The following HIBADH variants were observed in gnomAD, a reference collection of about 807,000 sequenced individuals.
HIBADH encodes 3-hydroxyisobutyrate dehydrogenase, mitochondrial.
In HIBADH, 25 loss-of-function variants were observed where a neutral mutation model predicts 36.1. The observed-to-expected ratio is 0.69, with a 90% CI of 0.50 to 0.97. The LOEUF (loss-of-function observed/expected upper bound fraction) is 0.97, where lower values mean the gene tolerates loss of function less well. Among genes scored for constraint, HIBADH ranks in the 50% least tolerant of loss-of-function variants. HIBADH has a pLI of 0.00. For synonymous variants in HIBADH, 160 were observed against 149.5 expected (o/e 1.07, Z -0.51); for missense variants, 421 against 418.0 (o/e 1.01, Z -0.06).
At chr7:27,660,808 T>A (rs1562664830) in intron 1 of HIBADH, among the ~76,000 whole-genome samples, 1 of 152,170 alleles carries the variant, frequency 6.6e-6, no homozygotes, top group Non-Finnish European at 1.5e-5. Context: ...CAAGACCATA[T>A]GCCAAAGTAG....
chr7:27,549,838 G>A (rs532675724), intron 4 of HIBADH, among the ~76,000 whole-genome samples: 2 of 152,212 alleles, frequency 1.3e-5, no homozygotes, highest in East Asian at 3.9e-4. Flanking sequence ...CAGGCTCAAG[G>A]CTTAAGTTAT....
chr7:27,624,559 C>T (rs1239381524), intron 4 of HIBADH, among the ~76,000 whole-genome samples: 1 of 152,220 alleles, frequency 6.6e-6, no homozygotes, highest in Non-Finnish European at 1.5e-5. Context: ...TGTAGGTAAG[C>T]ACTTTAGATT....
intron 2 of HIBADH, among the ~76,000 whole-genome samples, chr7:27,644,570 A>C (rs1786026154): frequency 6.9e-6 from 1 of 145,468 alleles, no homozygotes; most frequent in Non-Finnish European, 1.5e-5. Flanking sequence ...ACTGCACTCC[A>C]GCCTGAGCGA....
intron 2 of HIBADH, among the ~76,000 whole-genome samples, chr7:27,644,876 A>G (rs1174984340): frequency 2.0e-5 from 3 of 152,132 alleles, no homozygotes; most frequent in African/African-American, 7.2e-5. Flanking sequence ...GTCTCTATAT[A>G]GACTTCCTTA....
intron 4 of HIBADH, among the ~76,000 whole-genome samples, chr7:27,604,807 TAAGG>T (rs1264394136): frequency 6.6e-6 from 1 of 152,024 alleles, no homozygotes; most frequent in African/African-American, 2.4e-5. Flanking sequence ...ATTCAAAATA[TAAGG>T]GAGGGGAGGG....
At chr7:27,616,275 G>A (rs954160377) in intron 4 of HIBADH, among the ~76,000 whole-genome samples, 1 of 152,068 alleles carries the variant, frequency 6.6e-6, no homozygotes, top group Non-Finnish European at 1.5e-5. Context: ...ATCTATTCAC[G>A]AGGGATCTAC....
At chr7:27,600,425 A>G (rs1272902653) in intron 4 of HIBADH, among the ~76,000 whole-genome samples, 1 of 152,142 alleles carries the variant, frequency 6.6e-6, no homozygotes, top group African/African-American at 2.4e-5. Context: ...CCAACCAACC[A>G]CAGGAAAAGA....
intron 5 of HIBADH, chr7:27,541,812 C>A: frequency 2.5e-6 from 1 of 393,316 alleles, no homozygotes; most frequent in Non-Finnish European, 4.9e-6. Flanking sequence ...TACTATGATA[C>A]ACAATTTACT....
At position 27,531,273 on chromosome 7, in the gene HIBADH, A is replaced by C. The variant is rs3735571; in HGVS notation, c.771T>G (p.Tyr257Ter). ...SSGRCWSSDT[Y>*]NPVPGVMDGV... ...CATCCATCACTCCAGGTACAGGATTATAAGTGTCACTTGACCAACACCGTC... is the reference window on the plus strand; with the variant it reads ...CATCCATCACTCCAGGTACAGGATTCTAAGTGTCACTTGACCAACACCGTC... The change falls in exon 7 of 8, where the codon TAT becomes TAG. Residue 257 changes from tyrosine to a stop codon, truncating the protein, a stop_gained. Transcript: ENST00000265395. LOFTEE classifies it high-confidence loss of function. 1 of 1,614,102 alleles carries C rather than the reference A, an allele frequency of 6.2e-7. No homozygotes were observed. The highest frequency in any genetic ancestry group is 2.2e-5 in the East Asian group (1 of 44,874).
chr7:27,640,338 C>T (rs1785938185), intron 2 of HIBADH, among the ~76,000 whole-genome samples: 1 of 152,194 alleles, frequency 6.6e-6, no homozygotes, highest in African/African-American at 2.4e-5. Context: ...CAAGCCCAGC[C>T]TGGGCAACAA....
chr7:27,653,692 G>A (rs548590678), intron 1 of HIBADH, among the ~76,000 whole-genome samples: 25 of 151,526 alleles, frequency 1.6e-4, no homozygotes, highest in Non-Finnish European at 3.2e-4. Flanking sequence ...AGCTGAGATC[G>A]CACCACTGCA....
At chr7:27,562,328 A>AT (rs1258189852) in intron 4 of HIBADH, among the ~76,000 whole-genome samples, 3 of 152,202 alleles carry the variant, frequency 2.0e-5, no homozygotes, top group African/African-American at 4.8e-5. Context: ...ACCTTTAGAC[A>AT]TTCCTTGCTC....
chr7:27,553,803 C>T (rs1391957096), intron 4 of HIBADH, among the ~76,000 whole-genome samples: 2 of 152,174 alleles, frequency 1.3e-5, no homozygotes, highest in Non-Finnish European at 2.9e-5. Context: ...ATTTTTAAAA[C>T]TCCGTCTTGC....
At chr7:27,643,305 AG>A (rs1215411187) in intron 2 of HIBADH, among the ~76,000 whole-genome samples, 1 of 152,240 alleles carries the variant, frequency 6.6e-6, no homozygotes, top group Non-Finnish European at 1.5e-5. Flanking sequence ...ACAAAAAAGG[AG>A]AGAATATCTG....
chr7:27,542,345 C>T (rs982479722), intron 5 of HIBADH, among the ~76,000 whole-genome samples: 1 of 149,620 alleles, frequency 6.7e-6, no homozygotes, highest in Admixed American at 6.7e-5. Flanking sequence ...AACTCAGAAA[C>T]AAGCACTTCG....
At chr7:27,662,090 A>G (rs1786434101) in intron 1 of HIBADH, among the ~76,000 whole-genome samples, 1 of 152,196 alleles carries the variant, frequency 6.6e-6, no homozygotes, top group East Asian at 1.9e-4. Flanking sequence ...GTTTTGGTTC[A>G]TAATTTGACA....
At chr7:27,649,249 T>C (rs142520838) in intron 2 of HIBADH, 443 of 378,098 alleles carry the variant, frequency 1.2e-3, no homozygotes, top group Middle Eastern at 7.7e-3. Context: ...ATGTGCAAAA[T>C]GTTCCAAGTC....
At chr7:27,566,517 T>C (rs1311968423) in intron 4 of HIBADH, among the ~76,000 whole-genome samples, 1 of 152,108 alleles carries the variant, frequency 6.6e-6, no homozygotes. Flanking sequence ...TGGGTTTTAT[T>C]GATTTTCTTT....
Position 27,662,850 on chromosome 7 carries a change from G to C in HIBADH, c.-62C>G, listed in dbSNP as rs984639020. The C allele has an allele frequency of 3.1e-6, 4 of 1,292,018 alleles. No individual in the cohort carries two copies. Among genetic ancestry groups the C allele is most frequent in the South Asian group, 1.6e-5 (1 of 63,188 alleles). 80.0% of individuals were successfully genotyped at this position (1,292,018 alleles called of 1,614,324 possible). A position where few individuals can be genotyped will look rare whatever the true frequency, so the allele number is the denominator to read the frequency against. ...GCCTCCCGGAGGGCCCACAGACTGC[G>C]AGCGTGTGCAGCGGGACTGGCTGGC... On this transcript the variant is annotated 5_prime_UTR_variant, in exon 1 of 8. Coordinates refer to ENST00000265395, the MANE Select transcript of HIBADH (RefSeq NM_152740.4).
Sources: allele counts gnomAD v4.1 joint callset (sites outside exome capture counted in the v4.1 genomes callset), GRCh38; gene constraint gnomAD v4.1.1; transcripts MANE v1.5; gene names NCBI Gene and HGNC (gene_info 2026-07-23, HGNC 2026-07-21).